Variants in ITGA4 observed in about 807,000 individuals in gnomAD.
ITGA4 encodes the protein integrin subunit alpha 4.
In ITGA4, 63 loss-of-function variants were observed where a neutral mutation model predicts 133.6. The ratio of observed to expected loss-of-function variants is 0.47; its 90% confidence interval spans 0.38 to 0.58. The LOEUF (loss-of-function observed/expected upper bound fraction) is 0.58. Ranked by LOEUF, ITGA4 falls within the 20% of genes least tolerant of loss-of-function variation. ITGA4 has a pLI of 0.00. For synonymous variants in ITGA4, 483 were observed against 438.0 expected, an observed-to-expected ratio of 1.10 and a Z score of -1.28; for missense variants, 1,076 against 1,252.7, an observed-to-expected ratio of 0.86 and a Z score of 2.13.
intron 20 of ITGA4, 53 bp downstream of exon 20, chr2:181,524,303 G>A (rs971359104): frequency 6.0e-6 from 6 of 1,005,748 alleles, no homozygotes; most frequent in Non-Finnish European, 8.8e-6. Flanking sequence ...ATATTCTGAG[G>A]GGGGGGAATT....
chr2:181,474,951 A>G lies in ITGA4; in HGVS notation c.320-9A>G. 1 of 1,596,972 alleles carries G rather than the reference A, an allele frequency of 6.3e-7. No homozygotes were observed. The highest frequency in any genetic ancestry group is 2.2e-5 in the East Asian group (1 of 44,750). ...ATACAACTGATAAAATTATTTTCAC[A>G]TGCTATAGGTAGCCCTAATGGAGAA... On this transcript the variant is annotated splice_polypyrimidine_tract_variant and intron_variant, in intron 2 of 27. Transcript: ENST00000397033.
intron 14 of ITGA4, among the ~76,000 whole-genome samples, chr2:181,496,365 C>T (rs1357008999): frequency 1.3e-5 from 2 of 152,196 alleles, no homozygotes; most frequent in South Asian, 4.1e-4. Context: ...GTCCAGGCTA[C>T]AGCAAGCTGT....
chr2:181,470,078 G>T (rs115610786), intron 2 of ITGA4, among the ~76,000 whole-genome samples: 13,447 of 151,744 alleles, frequency 0.089, 796 homozygotes, highest in East Asian at 0.21. Context: ...AAAAAAAAAA[G>T]ATATAAATGT....
intron 2 of ITGA4, among the ~76,000 whole-genome samples, chr2:181,464,159 G>T (rs1232535473): frequency 6.6e-6 from 1 of 152,094 alleles, no homozygotes; most frequent in African/African-American, 2.4e-5. Context: ...ACATTAACCT[G>T]ATTAAAGGAA....
intron 2 of ITGA4, among the ~76,000 whole-genome samples, chr2:181,470,832 G>T (rs944271563): frequency 1.3e-5 from 2 of 152,100 alleles, no homozygotes; most frequent in African/African-American, 4.8e-5. Flanking sequence ...CTATGATCAC[G>T]CCAATGCACT....
intron 10 of ITGA4, among the ~76,000 whole-genome samples, chr2:181,492,693 A>T: frequency 6.6e-6 from 1 of 152,306 alleles, no homozygotes; most frequent in East Asian, 1.9e-4. Flanking sequence ...TAATACAGAA[A>T]GGTGATAAAA....
rs1685820697 is a variant in ITGA4, at chr2:181,482,217, G to C, written c.841-143G>C. 1.5e-5 allele frequency: 12 copies of C among 798,804 alleles called. No individual in the cohort carries two copies. The South Asian group carries it at 2.4e-4, about 16-fold the overall frequency. 49.5% of individuals were successfully genotyped at this position (798,804 alleles called of 1,614,324 possible). A position where few individuals can be genotyped will look rare whatever the true frequency, so the allele number is the denominator to read the frequency against. On this transcript the variant is annotated intron_variant, in intron 7 of 27. Coordinates refer to ENST00000397033, the MANE Select transcript of ITGA4 (RefSeq NM_000885.6). The stretch of plus-strand genomic sequence containing the variant: ...GTAACAGTGGATCCCAAACCCTTTT[G>C]TGTCACTCTCAACAGGATTTATTTT...
chr2:181,517,620 A>T (rs1018539308), intron 17 of ITGA4, among the ~76,000 whole-genome samples: 9 of 152,090 alleles, frequency 5.9e-5, no homozygotes, highest in African/African-American at 1.9e-4. Context: ...GTTCTTTATT[A>T]TGTCTCACAT....
intron 4 of ITGA4, among the ~76,000 whole-genome samples, chr2:181,476,794 A>T (rs1685686400): frequency 6.6e-6 from 1 of 152,212 alleles, no homozygotes; most frequent in Non-Finnish European, 1.5e-5. Flanking sequence ...GGCATAAAAA[A>T]TAACGAGATT....
intron 5 of ITGA4, chr2:181,479,087 A>ATC: frequency 3.8e-6 from 1 of 260,612 alleles, no homozygotes; most frequent in Non-Finnish European, 7.2e-6. Flanking sequence ...AATTTAATGA[A>ATC]AATCAAAAGT....
At chr2:181,460,273 C>A (rs1239587490) in intron 2 of ITGA4, among the ~76,000 whole-genome samples, 2 of 152,118 alleles carry the variant, frequency 1.3e-5, no homozygotes, top group Non-Finnish European at 2.9e-5. Context: ...ATAGTAATGC[C>A]TTGAGTATTT....
rs192651235 is a variant in ITGA4, at chr2:181,465,598, A to G, written c.319+7281A>G. Among the ~76,000 whole-genome samples the G allele has an allele frequency of 1.4e-3, 218 of 152,268 alleles. 1 individual carries two copies. The highest frequency in any genetic ancestry group is 4.9e-3 in the African/African-American group (204 of 41,564). Reference sequence around the variant, plus strand: ...GTGATTGTTTTTCAAATGAATTTTTAAATCCAAGAGATTAATTGAAAACCA... The same window carrying G: ...GTGATTGTTTTTCAAATGAATTTTTGAATCCAAGAGATTAATTGAAAACCA... On this transcript the variant is annotated intron_variant, in intron 2 of 27. Coordinates refer to ENST00000397033, the MANE Select transcript of ITGA4 (RefSeq NM_000885.6).
chr2:181,489,869 C>T (rs1686006251), intron 10 of ITGA4, among the ~76,000 whole-genome samples: 1 of 152,168 alleles, frequency 6.6e-6, no homozygotes, highest in Admixed American at 6.5e-5. Context: ...AGACAAAACT[C>T]TTCGGACGCC....
At chr2:181,504,340 C>A (rs990841248) in intron 15 of ITGA4, among the ~76,000 whole-genome samples, 3 of 152,004 alleles carry the variant, frequency 2.0e-5, no homozygotes, top group Non-Finnish European at 4.4e-5. Flanking sequence ...TTATGTAAAT[C>A]TTTAGGTGAC....
rs777582394 is a variant in ITGA4, at chr2:181,457,742, A to G, written c.88A>G (p.Thr30Ala). The change falls in exon 1 of 28, where the codon ACC (threonine) becomes GCC (alanine). Residue 30 changes from threonine to alanine, a missense_variant. Transcript: ENST00000397033. Reference protein sequence around the residue: ...VMLLLCLGVPTGRPYNVDTES... With the variant: ...VMLLLCLGVPAGRPYNVDTES... The stretch of plus-strand genomic sequence containing the variant: ...GCTGTTGCTGTGCCTGGGGGTCCCG[A>G]CCGGCCGCCCCTACAACGTGGACAC... 4 of 1,612,810 alleles carry G rather than the reference A, an allele frequency of 2.5e-6. No individual in the cohort carries two copies. The South Asian group carries it at 4.4e-5, about 18-fold the overall frequency.
At chr2:181,517,044 A>C (rs1470115360) in intron 17 of ITGA4, among the ~76,000 whole-genome samples, 2 of 152,076 alleles carry the variant, frequency 1.3e-5, no homozygotes, top group Non-Finnish European at 2.9e-5. Flanking sequence ...TCTTTAATAA[A>C]ATCTTCCTAA....
Position 181,475,039 on chromosome 2 carries a change from A to G in ITGA4, c.399A>G (p.Arg133=), listed in dbSNP as rs763727240. 21 of 1,614,078 alleles carry G rather than the reference A, an allele frequency of 1.3e-5. No homozygotes were observed. The highest frequency in any genetic ancestry group is 2.2e-5 in the South Asian group (2 of 91,076). The change falls in exon 3 of 28, where the codon AGA becomes AGG. Residue 133 remains arginine, a synonymous_variant. Coordinates refer to ENST00000397033, the MANE Select transcript of ITGA4 (RefSeq NM_000885.6). ...AGTGGTTGGGGGTCACACTTTCCAG[A>G]CAGCCAGGAGAAAATGGATCCATCG... ...DNQWLGVTLS[R]QPGENGSIVT...
intron 2 of ITGA4, among the ~76,000 whole-genome samples, chr2:181,466,868 C>T (rs1239211861): frequency 2.0e-5 from 3 of 152,082 alleles, no homozygotes; most frequent in African/African-American, 7.2e-5. Flanking sequence ...TGCACGTACC[C>T]TGAGGAGCAG....
In ITGA4 at chr2:181,460,221, G is replaced by A. The variant is rs539812362; in HGVS notation, c.319+1904G>A. Among the ~76,000 whole-genome samples, 27 of 152,282 alleles carry A rather than the reference G, an allele frequency of 1.8e-4. No homozygotes were observed. In the South Asian group the frequency reaches 5.6e-3, roughly 32 times the overall value. ...ATTTACTGGGATGAAAGGAAAAAAGGCAAGATTCCTAGTCAGTCAATGAGT... is the reference window on the plus strand; with the variant it reads ...ATTTACTGGGATGAAAGGAAAAAAGACAAGATTCCTAGTCAGTCAATGAGT... On this transcript the variant is annotated intron_variant, in intron 2 of 27. Transcript: ENST00000397033.
Sources: allele counts gnomAD v4.1 joint callset (sites outside exome capture counted in the v4.1 genomes callset), GRCh38; gene constraint gnomAD v4.1.1; transcripts MANE v1.5; gene names NCBI Gene and HGNC (gene_info 2026-07-23, HGNC 2026-07-21).